Variants in GPC3 observed in about 807,000 individuals in gnomAD.
GPC3 encodes glypican-3.
A neutral mutation model predicts 34.4 loss-of-function variants in GPC3; 3 were observed. The observed-to-expected ratio is 0.09, with a 90% CI of 0.04 to 0.23. The LOEUF (loss-of-function observed/expected upper bound fraction) is 0.23, where lower values mean the gene tolerates loss of function less well. Ranked by LOEUF, GPC3 falls within the 10% of genes least tolerant of loss-of-function variation. GPC3 has a pLI of 1.00. For missense variants in GPC3, 351 were observed against 445.6 expected, an observed-to-expected ratio of 0.79 and a Z score of 1.91; for synonymous variants, 177 against 174.0, an observed-to-expected ratio of 1.02 and a Z score of -0.13.
At chrX:133,904,245 T>C (rs2076158445) in intron 2 of GPC3, among the ~76,000 whole-genome samples, 2 of 111,910 alleles carry the variant, frequency 1.8e-5, no homozygotes, top group Admixed American at 1.9e-4. Flanking sequence ...GAGCCCTGTG[T>C]TTCTTACATC....
intron 5 of GPC3, among the ~76,000 whole-genome samples, chrX:133,669,763 A>T (rs996338550): frequency 8.0e-5 from 9 of 112,489 alleles, no homozygotes; most frequent in Non-Finnish European, 1.5e-4. Context: ...AAACTGAGAG[A>T]TGTTCCTACC....
chrX:133,979,732 CTG>C (rs1206786234), intron 1 of GPC3, among the ~76,000 whole-genome samples: 1 of 111,809 alleles, frequency 8.9e-6, no homozygotes, highest in Non-Finnish European at 1.9e-5. Flanking sequence ...AGTCTGGGGC[CTG>C]TAACTTGGAT....
chrX:133,610,998 C>A, intron 6 of GPC3, among the ~76,000 whole-genome samples: 1 of 108,696 alleles, frequency 9.2e-6, no homozygotes, highest in Non-Finnish European at 1.9e-5. Context: ...TTCAACCACA[C>A]CAGTGCTATA....
rs766023954 is a variant in GPC3, at chrX:133,938,066, C to T, written c.337+14984G>A. ...CTAGCTCAACAAATAGGATGTTTTC[C>T]TGGATCTTCACTAAGCCAAATTGAT... On this transcript the variant is annotated intron_variant, in intron 2 of 7. Coordinates refer to ENST00000370818, the MANE Select transcript of GPC3 (RefSeq NM_004484.4). 8.0e-5 allele frequency among the ~76,000 whole-genome samples: 9 copies of T among 111,869 alleles called. No individual in the cohort carries two copies. In the East Asian group the frequency reaches 2.5e-3, roughly 31 times the overall value.
intron 2 of GPC3, among the ~76,000 whole-genome samples, chrX:133,808,822 T>C (rs765264931): frequency 3.6e-5 from 4 of 111,494 alleles, no homozygotes; most frequent in Non-Finnish European, 7.5e-5. Flanking sequence ...TACAGTTTCT[T>C]GTACATCTTC....
chrX:133,932,315 T>C (rs189237462), intron 2 of GPC3, among the ~76,000 whole-genome samples: 3 of 112,411 alleles, frequency 2.7e-5, no homozygotes, highest in Non-Finnish European at 5.6e-5. Context: ...ATGTTTATTA[T>C]ACTCAGTTGA....
chrX:133,899,143 C>T (rs1278802327), intron 2 of GPC3, among the ~76,000 whole-genome samples: 1 of 112,167 alleles, frequency 8.9e-6, no homozygotes, highest in Non-Finnish European at 1.9e-5. Context: ...TTACACATTG[C>T]CGTATGGATA....
intron 2 of GPC3, among the ~76,000 whole-genome samples, chrX:133,796,507 C>G (rs1316594164): frequency 9.0e-6 from 1 of 111,514 alleles, no homozygotes. Flanking sequence ...ATTGGGTATA[C>G]CTTATCTGAG....
rs1451979359 is a variant in GPC3, at chrX:133,977,451, G to A, written c.175+7824C>T. 1.8e-5 allele frequency among the ~76,000 whole-genome samples: 2 copies of A among 111,794 alleles called. 1 individual carries two copies. Among genetic ancestry groups the A allele is most frequent in the Middle Eastern group, 9.3e-3 (2 of 216 alleles). ...TATTTTCCAATCCTTTCCATCTGTC[G>A]TATGCCAGCTAACTTTCTAATATAT... On this transcript the variant is annotated intron_variant, in intron 1 of 7. Transcript: ENST00000370818.
intron 2 of GPC3, among the ~76,000 whole-genome samples, chrX:133,852,327 G>A (rs1024244713): frequency 9.0e-6 from 1 of 111,628 alleles, no homozygotes; most frequent in Non-Finnish European, 1.9e-5. Context: ...CTGGTACCAG[G>A]CTGCCTCCAG....
intron 2 of GPC3, 61 bp from the exon 3 acceptor site, chrX:133,754,237 G>C: frequency 3.4e-6 from 3 of 885,117 alleles, no homozygotes; most frequent in South Asian, 4.3e-5. Flanking sequence ...TGAAAATCCA[G>C]TGTGAAAATG....
intron 2 of GPC3, among the ~76,000 whole-genome samples, chrX:133,859,551 G>A (rs776774094): frequency 2.7e-5 from 3 of 112,061 alleles, no homozygotes; most frequent in South Asian, 7.5e-4. Flanking sequence ...GAAAGTTCCA[G>A]CTGCTATAGA....
chrX:133,739,748 C>T (rs573609922), intron 3 of GPC3, among the ~76,000 whole-genome samples: 2 of 110,377 alleles, frequency 1.8e-5, no homozygotes, highest in South Asian at 7.8e-4. Flanking sequence ...TGGTGGTGCA[C>T]ACCTGTAGTC....
At chrX:133,666,824 A>G (rs973314784) in intron 5 of GPC3, among the ~76,000 whole-genome samples, 1 of 112,167 alleles carries the variant, frequency 8.9e-6, no homozygotes, top group Admixed American at 9.5e-5. Flanking sequence ...TTACTCTTAT[A>G]TACTCTATAC....
chrX:133,766,280 A>AT (rs2071844143), intron 2 of GPC3, among the ~76,000 whole-genome samples: 1 of 111,570 alleles, frequency 9.0e-6, no homozygotes, highest in African/African-American at 3.3e-5. Flanking sequence ...GTGTAAATAC[A>AT]TTTTTTCCAT....
At chrX:133,966,113 A>C (rs2076462373) in intron 1 of GPC3, among the ~76,000 whole-genome samples, 1 of 112,039 alleles carries the variant, frequency 8.9e-6, no homozygotes, top group African/African-American at 3.2e-5. Context: ...TACTAATAAT[A>C]TTGTCTCCGT....
In GPC3 at chrX:133,850,009, T is replaced by C. The variant is rs752204989; in HGVS notation, c.338-95833A>G. Reference sequence around the variant, plus strand: ...ACTGATCAGAACTTACCTAATTCTCTATTTCTTTCATTTAAAGTCTGGATT... The same window carrying C: ...ACTGATCAGAACTTACCTAATTCTCCATTTCTTTCATTTAAAGTCTGGATT... On this transcript the variant is annotated intron_variant, in intron 2 of 7. Coordinates refer to ENST00000370818, the MANE Select transcript of GPC3 (RefSeq NM_004484.4). Among the ~76,000 whole-genome samples, 15 of 111,330 alleles carry C rather than the reference T, an allele frequency of 1.3e-4. No homozygotes were observed. The South Asian group carries it at 5.3e-3, about 40-fold the overall frequency.
In GPC3 at chrX:133,788,088, T is replaced by TTATATATATATATATA. The variant is rs56318773; in HGVS notation, c.338-33928_338-33913dup. Among the ~76,000 whole-genome samples the TTATATATATATATATA allele has an allele frequency of 3.1e-3, 204 of 64,862 alleles. 1 individual carries two copies. The highest frequency in any genetic ancestry group is 8.3e-3 in the East Asian group (13 of 1,569). 56.3% of individuals were successfully genotyped at this position (64,862 alleles called of 115,157 possible). On this transcript the variant is annotated intron_variant, in intron 2 of 7. Transcript: ENST00000370818. ...TATAATATAAAGATATCATATTATT[T>TTATATATATATATATA]TATATATATATATATATATATATAT...
chrX:133,537,977 A>C (rs1230915654), intron 7 of GPC3, among the ~76,000 whole-genome samples: 1 of 111,370 alleles, frequency 9.0e-6, no homozygotes, highest in East Asian at 2.8e-4. Context: ...ATAATGTCCT[A>C]AGGTTTAAGA....
Sources: gnomAD v4.1 joint callset for allele counts (sites outside exome capture counted in the v4.1 genomes callset) on GRCh38, gnomAD v4.1.1 for gene constraint, MANE v1.5 for transcripts, NCBI Gene and HGNC (gene_info 2026-07-23, HGNC 2026-07-21) for gene names.